USP25: variants seen among roughly 807,000 people sequenced by gnomAD.
The protein encoded by USP25 is ubiquitin carboxyl-terminal hydrolase 25.
USP25 carries 85 observed loss-of-function variants against 158.5 expected under a neutral mutation model. That is an observed-to-expected ratio of 0.54 (90% CI 0.45 to 0.64). USP25 has a LOEUF of 0.64. Ranked by LOEUF, USP25 falls within the 30% of genes least tolerant of loss-of-function variation. The pLI, the probability that USP25 is intolerant of heterozygous loss-of-function variation, is 0.00. For missense variants in USP25, 1,242 were observed against 1,327.3 expected (o/e 0.94, Z 1.00); for synonymous variants, 464 against 460.4 (o/e 1.01, Z -0.10).
chr21:15,791,939 G>GT (rs2035611342), intron 5 of USP25, among the ~76,000 whole-genome samples: 1 of 151,628 alleles, frequency 6.6e-6, no homozygotes, highest in Non-Finnish European at 1.5e-5. Flanking sequence ...AATTGTTGGG[G>GT]TGGAAAGAGT....
At chr21:15,808,984 G>A (rs2036526081) in intron 8 of USP25, 99 bp downstream of exon 8, 2 of 846,314 alleles carry the variant, frequency 2.4e-6, no homozygotes, top group African/African-American at 3.5e-5. Flanking sequence ...CAGACTTATG[G>A]GAATCCCAGT....
chr21:15,815,004 T>G (rs572692205), intron 9 of USP25, among the ~76,000 whole-genome samples: 4 of 152,142 alleles, frequency 2.6e-5, no homozygotes, highest in African/African-American at 7.2e-5. Flanking sequence ...AAAAATAGTT[T>G]CGTGGGCTGC....
chr21:15,745,632 C>T (rs749181625), intron 1 of USP25, among the ~76,000 whole-genome samples: 12 of 151,812 alleles, frequency 7.9e-5, no homozygotes, highest in Non-Finnish European at 1.5e-4. Flanking sequence ...TGCACCACCA[C>T]GCTCAGCTAA....
chr21:15,754,832 A>AT (rs1048226867), intron 1 of USP25, among the ~76,000 whole-genome samples: 1 of 152,164 alleles, frequency 6.6e-6, no homozygotes, highest in Admixed American at 6.5e-5. Context: ...GACTCAGGAG[A>AT]TTTTTTCTTC....
At chr21:15,848,625 GT>G (rs1244794834) in intron 19 of USP25, among the ~76,000 whole-genome samples, 1 of 151,890 alleles carries the variant, frequency 6.6e-6, no homozygotes, top group African/African-American at 2.4e-5. Context: ...TTTATGTTAA[GT>G]TTTTTTTCAC....
chr21:15,732,434 A>G (rs1003120990), intron 1 of USP25, among the ~76,000 whole-genome samples: 2 of 152,218 alleles, frequency 1.3e-5, no homozygotes, highest in Non-Finnish European at 2.9e-5. Flanking sequence ...ATAAGTTGAC[A>G]GATTTAAATC....
chr21:15,748,670 T>G (rs2032760371), intron 1 of USP25, among the ~76,000 whole-genome samples: 1 of 152,116 alleles, frequency 6.6e-6, no homozygotes, highest in Non-Finnish European at 1.5e-5. Context: ...ATTTATTATG[T>G]TCTGTTGGGT....
intron 2 of USP25, among the ~76,000 whole-genome samples, chr21:15,765,219 T>C (rs192203845): frequency 6.6e-5 from 10 of 152,246 alleles, no homozygotes; most frequent in Admixed American, 3.9e-4. Flanking sequence ...CTATGTTGTT[T>C]TGGTTAACTG....
rs887350649 is a variant in USP25 at position 15,843,311 on chromosome 21, A to C, written c.2337+771A>C. Among the ~76,000 whole-genome samples, 1 of 152,162 alleles carries C rather than the reference A, an allele frequency of 6.6e-6. No individual in the cohort carries two copies. The highest frequency in any genetic ancestry group is 1.5e-5 in the Non-Finnish European group (1 of 68,024). On this transcript the variant is annotated intron_variant, in intron 18 of 25. Transcript: ENST00000400183. This position sits in a 1 kb window ranked among gnomAD's most constrained non-coding sequence, Gnocchi z 4.0. ...TGGTAGTTCCTTTTAATATTTGAAG[A>C]TTCCCCTTGACAACTAAAAAGAGTA...
chr21:15,762,312 ATC>A (rs1568771686), intron 1 of USP25, among the ~76,000 whole-genome samples: 1 of 152,038 alleles, frequency 6.6e-6, no homozygotes. Flanking sequence ...GTGAAATCCT[ATC>A]TCTCTACCTC....
chr21:15,783,574 C>G (rs954731191), intron 4 of USP25, among the ~76,000 whole-genome samples: 5 of 151,994 alleles, frequency 3.3e-5, no homozygotes, highest in African/African-American at 1.2e-4. Flanking sequence ...AGTGGGATGA[C>G]ATATTCACAG....
intron 20 of USP25, among the ~76,000 whole-genome samples, chr21:15,850,188 A>C (rs1023836183): frequency 3.3e-5 from 5 of 152,080 alleles, no homozygotes; most frequent in Non-Finnish European, 7.4e-5. Context: ...AACAATAATA[A>C]GAACTGAGTA....
intron 17 of USP25, among the ~76,000 whole-genome samples, chr21:15,840,137 C>T (rs2038258720): frequency 6.6e-6 from 1 of 152,142 alleles, no homozygotes; most frequent in Non-Finnish European, 1.5e-5. Flanking sequence ...GCTATTCCTT[C>T]TGCCTGGAAT....
intron 18 of USP25, among the ~76,000 whole-genome samples, chr21:15,844,142 C>A (rs2038468583): frequency 6.6e-6 from 1 of 152,038 alleles, no homozygotes; most frequent in African/African-American, 2.4e-5. Flanking sequence ...CAGTTAGCCC[C>A]ATTGCATATG....
At chr21:15,847,381 A>G (rs1410541972) in intron 18 of USP25, among the ~76,000 whole-genome samples, 1 of 152,196 alleles carries the variant, frequency 6.6e-6, no homozygotes, top group Non-Finnish European at 1.5e-5. Context: ...ATGTAAAGGG[A>G]AAACTGCAGA....
intron 17 of USP25, among the ~76,000 whole-genome samples, chr21:15,834,795 A>G (rs767050647): frequency 1.5e-4 from 23 of 152,214 alleles, no homozygotes; most frequent in Admixed American, 6.5e-4. Context: ...TATGGAGAAT[A>G]CCACCATTAT....
intron 10 of USP25, among the ~76,000 whole-genome samples, chr21:15,820,271 A>C (rs1462428807): frequency 6.6e-6 from 1 of 152,030 alleles, no homozygotes. Context: ...GCTGAAATAC[A>C]CTATGGTTTA....
chr21:15,739,807 T>C (rs772905289), intron 1 of USP25, among the ~76,000 whole-genome samples: 1 of 152,208 alleles, frequency 6.6e-6, no homozygotes, highest in Non-Finnish European at 1.5e-5. Flanking sequence ...CACTATATAA[T>C]GTGAGCAAGT....
intron 5 of USP25, among the ~76,000 whole-genome samples, chr21:15,794,349 T>G (rs2035750793): frequency 1.3e-5 from 2 of 151,698 alleles, no homozygotes; most frequent in Admixed American, 1.3e-4. Flanking sequence ...AATAATCTTT[T>G]GGCTGCTGGC....
Sources: gnomAD v4.1 joint callset for allele counts (sites outside exome capture counted in the v4.1 genomes callset) on GRCh38, gnomAD v4.1.1 for gene constraint, Gnocchi (gnomAD v3.1) non-coding constraint, MANE v1.5 for transcripts, NCBI Gene and HGNC (gene_info 2026-07-23, HGNC 2026-07-21) for gene names.